The following GLIS3 variants were observed in gnomAD, a reference collection of about 807,000 sequenced individuals.
GLIS3 encodes GLIS family zinc finger 3, also known as zinc finger protein GLIS3.
GLIS3 carries 53 observed loss-of-function variants against 78.6 expected under a neutral mutation model. The observed-to-expected ratio is 0.67, with a 90% confidence interval of 0.54 to 0.85. GLIS3 has a LOEUF of 0.85. GLIS3 is among the 40% of genes least tolerant of loss of function. The pLI, the probability that GLIS3 is intolerant of heterozygous loss-of-function variation, is 0.00. For missense variants in GLIS3, 1,703 were observed against 1,231.1 expected, an observed-to-expected ratio of 1.38 and a Z score of -5.74; for synonymous variants, 684 against 509.9, an observed-to-expected ratio of 1.34 and a Z score of -4.60.
At chr9:4,438,671 C>A in the GLIS3 span, among the ~76,000 whole-genome samples, 1 of 152,202 alleles carries the variant, frequency 6.6e-6, no homozygotes, top group Admixed American at 6.5e-5. Flanking sequence ...ATAATTGAGT[C>A]ATGCAAGCAG....
the GLIS3 span, among the ~76,000 whole-genome samples, chr9:4,399,315 T>A: frequency 3.9e-5 from 6 of 152,214 alleles, no homozygotes; most frequent in African/African-American, 1.2e-4. Flanking sequence ...ATTTATTTTT[T>A]AAAAAAACTG....
chr9:3,879,284 T>C (rs1013934354), intron 8 of GLIS3, 143 bp downstream of exon 8: 1 of 777,806 alleles, frequency 1.3e-6, no homozygotes, highest in Non-Finnish European at 2.3e-6. Flanking sequence ...ACGTGCTTTG[T>C]GTATGTACTT....
intron 2 of GLIS3, among the ~76,000 whole-genome samples, chr9:4,255,297 G>C (rs983474096): frequency 6.6e-6 from 1 of 152,238 alleles, no homozygotes; most frequent in Non-Finnish European, 1.5e-5. Context: ...TTGGAAGACA[G>C]TATGGTGGTT....
At chr9:4,275,950 T>G (rs1407630328) in intron 2 of GLIS3, among the ~76,000 whole-genome samples, 1 of 152,056 alleles carries the variant, frequency 6.6e-6, no homozygotes, top group African/African-American at 2.4e-5. Flanking sequence ...CAAAGTACTG[T>G]ACAAGTCCAA....
chr9:3,883,708 C>T (rs58985862), intron 7 of GLIS3, among the ~76,000 whole-genome samples: 2 of 152,144 alleles, frequency 1.3e-5, no homozygotes, highest in South Asian at 2.1e-4. Flanking sequence ...GTGTCAACTC[C>T]GGGGTCATTA....
At chr9:4,159,645 G>T (rs1161505319) in intron 2 of GLIS3, among the ~76,000 whole-genome samples, 2 of 151,996 alleles carry the variant, frequency 1.3e-5, no homozygotes, top group Non-Finnish European at 2.9e-5. Context: ...CTTGAATCCG[G>T]GAGGCAGAGG....
At chr9:4,185,906 A>G (rs1199141379) in intron 2 of GLIS3, among the ~76,000 whole-genome samples, 1 of 152,220 alleles carries the variant, frequency 6.6e-6, no homozygotes, top group Non-Finnish European at 1.5e-5. Context: ...CTTTCAGGGA[A>G]GAGAGCGAGG....
chr9:4,159,111 G>T (rs1835276853), intron 2 of GLIS3, among the ~76,000 whole-genome samples: 1 of 150,624 alleles, frequency 6.6e-6, no homozygotes, highest in Non-Finnish European at 1.5e-5. Flanking sequence ...TTTGCAGATG[G>T]CTCACCAGTC....
At chr9:3,883,519 T>C (rs895230) in intron 7 of GLIS3, among the ~76,000 whole-genome samples, 151,315 of 152,338 alleles carry the variant, frequency 0.99, 75,163 homozygotes, top group Middle Eastern at 1. Flanking sequence ...AAACTTCCTT[T>C]CATACACATT....
At chr9:4,308,834 C>G (rs545200029) in exon 4 of GLIS3, 1 of 152,338 alleles carries the variant, frequency 6.6e-6, no homozygotes, top group Non-Finnish European at 1.5e-5. Context: ...CACTTGGCAG[C>G]TGGAGAGGCT....
intron 2 of GLIS3, among the ~76,000 whole-genome samples, chr9:4,218,315 G>C (rs371997403): frequency 1.1e-4 from 17 of 151,714 alleles, no homozygotes; most frequent in African/African-American, 4.1e-4. Context: ...ATGGAGTCTC[G>C]CTCTGTCGCC....
At chr9:4,406,472 C>T in the GLIS3 span, among the ~76,000 whole-genome samples, 1 of 152,162 alleles carries the variant, frequency 6.6e-6, no homozygotes, top group Admixed American at 6.5e-5. Context: ...AGGCACCCAC[C>T]ACCAGGCCTG....
chr9:4,298,017 C>G (rs2130456728), intron 1 of GLIS3, among the ~76,000 whole-genome samples: 2 of 152,298 alleles, frequency 1.3e-5, no homozygotes, highest in Middle Eastern at 3.4e-3. Flanking sequence ...CCCGCCGCCT[C>G]CGCCCCTAAC....
chr9:3,926,702 A>C (rs894565779), intron 6 of GLIS3, among the ~76,000 whole-genome samples: 3 of 151,328 alleles, frequency 2.0e-5, no homozygotes, highest in Admixed American at 6.6e-5. Flanking sequence ...AGCTCACCAC[A>C]ACCTCTGCCT....
At chr9:3,855,833 C>G (rs918556922) in intron 9 of GLIS3, 176 bp downstream of exon 9, 2 of 715,070 alleles carry the variant, frequency 2.8e-6, no homozygotes, top group African/African-American at 1.8e-5. Context: ...AGGCCAAAGT[C>G]AGGAAAATAC....
chr9:4,145,787 TC>T (rs1333857386), intron 2 of GLIS3, among the ~76,000 whole-genome samples: 1 of 151,154 alleles, frequency 6.6e-6, no homozygotes, highest in Non-Finnish European at 1.5e-5. Context: ...TCCCTCTCTC[TC>T]CTTTAGTATC....
At chr9:4,208,405 C>G (rs1220013511) in intron 2 of GLIS3, among the ~76,000 whole-genome samples, 1 of 152,192 alleles carries the variant, frequency 6.6e-6, no homozygotes, top group Non-Finnish European at 1.5e-5. Context: ...GGCAAGGGGA[C>G]TGAGCAAGGA....
chr9:4,018,989 G>C (rs1822655045), intron 4 of GLIS3, among the ~76,000 whole-genome samples: 3 of 152,330 alleles, frequency 2.0e-5, no homozygotes, highest in Middle Eastern at 6.8e-3. Context: ...AAGGCATGAG[G>C]TAACAGCAGT....
chr9:4,156,044 T>C (rs1477142340), intron 2 of GLIS3, among the ~76,000 whole-genome samples: 2 of 152,102 alleles, frequency 1.3e-5, no homozygotes, highest in Non-Finnish European at 2.9e-5. Flanking sequence ...GAACTCCTCA[T>C]ACCAGTTTCA....
Sources: allele counts gnomAD v4.1 joint callset (sites outside exome capture counted in the v4.1 genomes callset), GRCh38; gene constraint gnomAD v4.1.1; transcripts MANE v1.5; gene names NCBI Gene and HGNC (gene_info 2026-07-23, HGNC 2026-07-21).